The following TRMT11 variants were observed in gnomAD, a reference collection of about 807,000 sequenced individuals.
TRMT11 encodes tRNA (guanine(10)-N(2))-methyltransferase TRMT11.
TRMT11 carries 53 observed loss-of-function variants against 62.8 expected under a neutral mutation model. The ratio of observed to expected loss-of-function variants is 0.84; its 90% CI spans 0.68 to 1.06. The LOEUF is 1.06. Ranked by LOEUF, TRMT11 falls within the 50% of genes least tolerant of loss-of-function variation. The pLI is 0.00. For synonymous variants in TRMT11, 188 were observed against 190.3 expected, an observed-to-expected ratio of 0.99 and a Z score of 0.10; for missense variants, 556 against 553.4, an observed-to-expected ratio of 1.00 and a Z score of -0.05.
rs746381680 is a variant in TRMT11 at position 125,998,106 on chromosome 6, C to T, written c.266C>T (p.Ser89Phe). ...HGQSPEELYS[S>F]LKNYPVEKMV... ...CAATCTCCTGAGGAGCTGTACAGTT[C>T]TCTTAAAAACTACCCTGTGGAGAAG... Residue 89 changes from serine (S) to phenylalanine (F), a missense_variant, in exon 4 of 13, where the codon TCT becomes TTT. By Grantham distance (155) the Ser-to-Phe change is radical. Transcript: ENST00000334379. The T allele has an allele frequency of 5.0e-6, 8 of 1,613,486 alleles. No homozygotes were observed. Among genetic ancestry groups the T allele is most frequent in the African/African-American group, 2.7e-5 (2 of 74,860 alleles).
chr6:126,239,549 G>C, the TRMT11 span, among the ~76,000 whole-genome samples: 6 of 152,158 alleles, frequency 3.9e-5, no homozygotes, highest in East Asian at 9.6e-4. Context: ...ACTCTCTTCT[G>C]GCTTGTAGAG....
At chr6:126,242,508 G>A in the TRMT11 span, among the ~76,000 whole-genome samples, 1 of 152,142 alleles carries the variant, frequency 6.6e-6, no homozygotes, top group South Asian at 2.1e-4. Context: ...AAAGCTGGAG[G>A]CATCACGCTA....
At chr6:126,052,569 T>G (rs1776249524) in intron 16 of TRMT11, among the ~76,000 whole-genome samples, 1 of 152,106 alleles carries the variant, frequency 6.6e-6, no homozygotes, top group Non-Finnish European at 1.5e-5. Context: ...TTTTTATATA[T>G]CCTTATGCAT....
chr6:126,141,441 A>G (rs568309290), intron 21 of TRMT11, among the ~76,000 whole-genome samples: 2 of 152,274 alleles, frequency 1.3e-5, no homozygotes, highest in Admixed American at 6.5e-5. Flanking sequence ...AATTGTAGGA[A>G]AGTAGCAAAT....
chr6:126,209,494 G>A, the TRMT11 span, among the ~76,000 whole-genome samples: 2 of 151,942 alleles, frequency 1.3e-5, no homozygotes, highest in Non-Finnish European at 2.9e-5. Context: ...GCCGAGGTGG[G>A]TGGATCACAA....
At chr6:126,241,732 C>A in the TRMT11 span, among the ~76,000 whole-genome samples, 1 of 152,178 alleles carries the variant, frequency 6.6e-6, no homozygotes, top group African/African-American at 2.4e-5. Flanking sequence ...AGACCTTTGA[C>A]GAAATACAAC....
At chr6:126,018,019 G>A (rs1032708473) in intron 11 of TRMT11, among the ~76,000 whole-genome samples, 4 of 152,120 alleles carry the variant, frequency 2.6e-5, no homozygotes, top group Admixed American at 2.0e-4. Flanking sequence ...TAGAAACAGT[G>A]TTTCTTTATA....
At chr6:126,072,045 C>T (rs1776873975) in intron 17 of TRMT11, among the ~76,000 whole-genome samples, 1 of 152,130 alleles carries the variant, frequency 6.6e-6, no homozygotes, top group South Asian at 2.1e-4. Flanking sequence ...TGTGACTGAG[C>T]ACTTCATGGC....
At chr6:126,269,963 T>TAG in the TRMT11 span, among the ~76,000 whole-genome samples, 2 of 152,170 alleles carry the variant, frequency 1.3e-5, no homozygotes, top group Non-Finnish European at 2.9e-5. Flanking sequence ...GAAGAACACT[T>TAG]CTCTGAGTAT....
At chr6:126,122,276 G>T (rs1777658895) in intron 21 of TRMT11, among the ~76,000 whole-genome samples, 1 of 151,946 alleles carries the variant, frequency 6.6e-6, no homozygotes, top group African/African-American at 2.4e-5. Flanking sequence ...ACTAATACAG[G>T]CTCAGAAAAT....
chr6:126,200,999 C>CA, intron 3 of TRMT11, among the ~76,000 whole-genome samples: 1 of 152,288 alleles, frequency 6.6e-6, no homozygotes. Flanking sequence ...GGTGTTTAGA[C>CA]AAAGGCTGTG....
chr6:126,034,897 A>G (rs1182806671), intron 12 of TRMT11, among the ~76,000 whole-genome samples: 2 of 152,104 alleles, frequency 1.3e-5, no homozygotes, highest in East Asian at 3.9e-4. Context: ...CAACTTGCAG[A>G]TATTCCTGGT....
chr6:125,988,368 T>C lies in TRMT11; in HGVS notation c.72+1746T>C, dbSNP rs1360245025. On this transcript the variant is annotated intron_variant, in intron 1 of 12. Transcript: ENST00000334379. ...CTAGAGCATAAGGGAAAGTAAGAAA[T>C]TGGTTAACAGTTTGAAGAGGACCTA... Among the ~76,000 whole-genome samples the C allele has an allele frequency of 2.0e-5, 3 of 152,162 alleles. No homozygotes were observed. In the East Asian group the frequency reaches 5.8e-4, roughly 29 times the overall value.
chr6:126,175,909 A>G (rs1336615711), upstream of TRMT11, among the ~76,000 whole-genome samples: 2 of 152,156 alleles, frequency 1.3e-5, no homozygotes, highest in Admixed American at 1.3e-4. Context: ...AACACTGAGA[A>G]TTTTACTTAC....
intron 21 of TRMT11, among the ~76,000 whole-genome samples, chr6:126,120,093 G>A (rs1386220632): frequency 2.6e-5 from 4 of 152,000 alleles, no homozygotes; most frequent in Admixed American, 2.6e-4. Context: ...GACCAACATG[G>A]TGAAATTTCA....
intron 1 of TRMT11, among the ~76,000 whole-genome samples, chr6:126,189,543 G>T (rs1269684345): frequency 6.6e-6 from 1 of 152,018 alleles, no homozygotes; most frequent in Non-Finnish European, 1.5e-5. Context: ...TGGGAAAATT[G>T]TTACTTAATT....
chr6:126,068,442 G>T (rs768644421), intron 17 of TRMT11, among the ~76,000 whole-genome samples: 1 of 152,116 alleles, frequency 6.6e-6, no homozygotes, highest in Non-Finnish European at 1.5e-5. Context: ...TAGATCTGTG[G>T]TTCATTTGGA....
chr6:126,061,934 G>A (rs1453293690), intron 17 of TRMT11, among the ~76,000 whole-genome samples: 2 of 152,150 alleles, frequency 1.3e-5, no homozygotes, highest in Non-Finnish European at 2.9e-5. Context: ...CCAGGCTGGA[G>A]GGCAGTGGCA....
chr6:126,269,599 AT>A, the TRMT11 span, among the ~76,000 whole-genome samples: 1 of 152,228 alleles, frequency 6.6e-6, no homozygotes, highest in Non-Finnish European at 1.5e-5. Context: ...AAAATTACAT[AT>A]GCACAAGATT....
Sources: gnomAD v4.1 joint callset for allele counts (sites outside exome capture counted in the v4.1 genomes callset) on GRCh38, gnomAD v4.1.1 for gene constraint, MANE v1.5 for transcripts, NCBI Gene and HGNC (gene_info 2026-07-23, HGNC 2026-07-21) for gene names.